SULT6B1: variants seen among roughly 807,000 people sequenced by gnomAD.
SULT6B1 encodes the protein sulfotransferase family 6B member 1.
SULT6B1 carries 44 observed loss-of-function variants against 37.2 expected under a neutral mutation model. The ratio of observed to expected loss-of-function variants is 1.18; its 90% CI spans 0.93 to 1.52. The LOEUF (loss-of-function observed/expected upper bound fraction) is 1.52, where lower values mean the gene tolerates loss of function less well. Among genes scored for constraint, SULT6B1 ranks in the 40% most tolerant of loss-of-function variants. SULT6B1 has a pLI of 0.00. For missense variants in SULT6B1, 450 were observed against 361.0 expected (o/e 1.25, Z -2.00); for synonymous variants, 140 against 126.0 (o/e 1.11, Z -0.74).
upstream of SULT6B1, among the ~76,000 whole-genome samples, chr2:37,192,984 AT>A (rs1483825278): frequency 6.6e-6 from 1 of 152,114 alleles, no homozygotes; most frequent in African/African-American, 2.4e-5. Context: ...GTATCGTGTG[AT>A]ATGTTTGAAC....
In SULT6B1 at chr2:37,173,080, C is replaced by T. The variant is rs182728795; in HGVS notation, c.625-1490G>A. On this transcript the variant is annotated intron_variant, in intron 5 of 6. Coordinates refer to ENST00000535679, the MANE Select transcript of SULT6B1 (RefSeq NM_001367551.1). Reference sequence around the variant, plus strand: ...GTTGGTCAGGCTTGTCTCGAACTCCCGACCTCAGGTGATCCACCTGCCTCG... The same window carrying T: ...GTTGGTCAGGCTTGTCTCGAACTCCTGACCTCAGGTGATCCACCTGCCTCG... Among the ~76,000 whole-genome samples, 59 of 144,940 alleles carry T rather than the reference C, an allele frequency of 4.1e-4. 1 individual carries two copies. The South Asian group carries it at 5.1e-3, about 13-fold the overall frequency.
intron 3 of SULT6B1, among the ~76,000 whole-genome samples, chr2:37,182,477 C>G (rs935664672): frequency 4.5e-4 from 68 of 151,958 alleles, no homozygotes; most frequent in Non-Finnish European, 1.0e-4. Context: ...ATTCAAAAAA[C>G]GCAATTACTT....
At chr2:37,188,379 T>C in intron 1 of SULT6B1, 63 bp downstream of exon 1, 1 of 1,437,482 alleles carries the variant, frequency 7.0e-7, no homozygotes, top group Non-Finnish European at 9.6e-7. Flanking sequence ...CACCTTTGTC[T>C]CATACCCTCC....
intron 2 of SULT6B1, 84 bp from the exon 3 acceptor site, chr2:37,183,598 T>G: frequency 9.7e-7 from 1 of 1,034,246 alleles, no homozygotes; most frequent in Non-Finnish European, 1.5e-6. Flanking sequence ...GTTTGGTATC[T>G]AAGTGATAGT....
chr2:37,190,452 G>A (rs145688980), upstream of SULT6B1, among the ~76,000 whole-genome samples: 1 of 152,298 alleles, frequency 6.6e-6, no homozygotes, highest in East Asian at 1.9e-4. Context: ...GTACTTGCAT[G>A]TACCACATCC....
At chr2:37,170,865 T>C (rs1460234558) in intron 6 of SULT6B1, among the ~76,000 whole-genome samples, 1 of 151,938 alleles carries the variant, frequency 6.6e-6, no homozygotes, top group Non-Finnish European at 1.5e-5. Flanking sequence ...TTGAACATAA[T>C]AGTTGAGCTT....
upstream of SULT6B1, among the ~76,000 whole-genome samples, chr2:37,188,821 T>G (rs143549777): frequency 0.014 from 2,156 of 152,234 alleles, 23 homozygotes; most frequent in Non-Finnish European, 0.022. Flanking sequence ...AAACCACAGG[T>G]GCAAAACAGG....
Position 37,167,915 on chromosome 2 carries a change from G to T in SULT6B1, c.*20C>A, listed in dbSNP as rs199584484. On this transcript the variant is annotated 3_prime_UTR_variant, in exon 7 of 7. Coordinates refer to ENST00000535679, the MANE Select transcript of SULT6B1 (RefSeq NM_001367551.1). ...TTATTATTAAGGAAAATAAATCTAG[G>T]CCTGCTGAATTGACTGGAATCAACC... is the stretch of plus-strand genomic sequence containing the variant. 9.8e-6 allele frequency: 15 copies of T among 1,535,314 alleles called. No homozygotes were observed. The East Asian group carries it at 2.0e-4, about 20-fold the overall frequency.
upstream of SULT6B1, among the ~76,000 whole-genome samples, chr2:37,190,784 G>A (rs903713207): frequency 6.6e-5 from 10 of 152,086 alleles, no homozygotes; most frequent in South Asian, 2.1e-4. Flanking sequence ...TTGTTTCAAC[G>A]GATATCTTGG....
intron 6 of SULT6B1, 85 bp downstream of exon 6, chr2:37,171,349 C>T (rs1676293565): frequency 2.0e-6 from 3 of 1,496,778 alleles, no homozygotes; most frequent in East Asian, 2.3e-5. Flanking sequence ...CCCTATCTGA[C>T]TTAAGATGAA....
At chr2:37,168,646 A>C (rs921255382) in intron 6 of SULT6B1, among the ~76,000 whole-genome samples, 3 of 152,192 alleles carry the variant, frequency 2.0e-5, no homozygotes, top group Non-Finnish European at 2.9e-5. Context: ...ACTTTTTGAG[A>C]ATGATATTTT....
chr2:37,182,429 G>T (rs59380055), intron 3 of SULT6B1, among the ~76,000 whole-genome samples: 1 of 151,660 alleles, frequency 6.6e-6, no homozygotes, highest in Non-Finnish European at 1.5e-5. Context: ...ATTTTTAGTA[G>T]GTTGGTGCAA....
intron 2 of SULT6B1, among the ~76,000 whole-genome samples, chr2:37,185,164 A>G (rs1056406709): frequency 1.5e-4 from 23 of 152,214 alleles, no homozygotes; most frequent in African/African-American, 5.3e-4. Flanking sequence ...ATGGCCAAAA[A>G]TCATGTACAG....
intron 5 of SULT6B1, 22 bp downstream of exon 5, chr2:37,175,110 A>C (rs1446493137): frequency 3.4e-6 from 5 of 1,465,116 alleles, no homozygotes; most frequent in Non-Finnish European, 4.6e-6. Flanking sequence ...ATTTTGCTCT[A>C]AAATATCAAT....
At chr2:37,186,945 T>C (rs890480486) in intron 2 of SULT6B1, among the ~76,000 whole-genome samples, 1 of 152,176 alleles carries the variant, frequency 6.6e-6, no homozygotes, top group Non-Finnish European at 1.5e-5. Context: ...CCTACTACCA[T>C]CCTGCACAGG....
chr2:37,171,456 G>A lies in SULT6B1; in HGVS notation c.759C>T (p.Val253=), dbSNP rs137864268. ...TACCTTTGCGGAAAAGGAATGGGCCGACAGCACCGTGTGTGTCCTGAGACT... is the reference window on the plus strand; with the variant it reads ...TACCTTTGCGGAAAAGGAATGGGCCAACAGCACCGTGTGTGTCCTGAGACT... ...RAKSQDTHGA[V]GPFLFRKGEV... is the part of the protein sequence containing the mutation. The change falls in exon 6 of 7, where the codon GTC becomes GTT. Residue 253 remains valine, a synonymous_variant. Coordinates refer to ENST00000535679, the MANE Select transcript of SULT6B1 (RefSeq NM_001367551.1). 36 of 1,613,790 alleles carry A rather than the reference G, an allele frequency of 2.2e-5. No individual in the cohort carries two copies. In the African/African-American group the frequency reaches 3.2e-4, roughly 14 times the overall value.
Position 37,175,212 on chromosome 2 carries a change from A to G in SULT6B1, c.544T>C (p.Tyr182His). ...FMKGQVSWGR[Y>H]FDFAINWNKH... ...TTCCAATTGATTGCAAAATCAAAAT[A>G]CCTTCCCCAAGAAACTAAAAACACA... Residue 182 changes from tyrosine (Y) to histidine (H), a missense_variant, in exon 5 of 7, where the codon TAT becomes CAT. Coordinates refer to ENST00000535679, the MANE Select transcript of SULT6B1 (RefSeq NM_001367551.1). The G allele has an allele frequency of 1.9e-6, 3 of 1,588,448 alleles. No homozygotes were observed. Among genetic ancestry groups the G allele is most frequent in the Non-Finnish European group, 2.6e-6 (3 of 1,166,348 alleles).
intron 3 of SULT6B1, 39 bp from the exon 4 acceptor site, chr2:37,179,623 G>A (rs1330574423): frequency 8.8e-6 from 14 of 1,592,506 alleles, no homozygotes; most frequent in Non-Finnish European, 1.2e-5. Context: ...TTGGGTCTAT[G>A]TTTTGAAATT....
In SULT6B1 at chr2:37,171,449, A is replaced by G. The variant is rs909046238; in HGVS notation, c.766T>C (p.Phe256Leu). ...SQDTHGAVGP[F>L]LFRKGEVGDW... is the part of the protein sequence containing the mutation. ...GCGACTTTACCTTTGCGGAAAAGGA[A>G]TGGGCCGACAGCACCGTGTGTGTCC... Residue 256 changes from phenylalanine (F) to leucine (L), a missense_variant, in exon 6 of 7, where the codon TTC (phenylalanine) becomes CTC (leucine). Coordinates refer to ENST00000535679, the MANE Select transcript of SULT6B1 (RefSeq NM_001367551.1). 3.1e-6 allele frequency: 5 copies of G among 1,613,568 alleles called. No individual in the cohort carries two copies. The African/African-American group carries it at 5.3e-5, about 17-fold the overall frequency.
Sources: allele counts gnomAD v4.1 joint callset (sites outside exome capture counted in the v4.1 genomes callset), GRCh38; gene constraint gnomAD v4.1.1; transcripts MANE v1.5; gene names NCBI Gene and HGNC (gene_info 2026-07-23, HGNC 2026-07-21).